Variants in HECW1 observed in about 807,000 individuals in gnomAD.
HECW1 encodes E3 ubiquitin-protein ligase HECW1.
Under a neutral mutation model 182.3 loss-of-function variants are expected in HECW1, and 61 were observed. The ratio of observed to expected loss-of-function variants is 0.33; its 90% confidence interval spans 0.27 to 0.41. The LOEUF (loss-of-function observed/expected upper bound fraction) is 0.41, where lower values mean the gene tolerates loss of function less well. Ranked by LOEUF, HECW1 falls within the 10% of genes least tolerant of loss-of-function variation. The pLI is 1.00. For synonymous variants in HECW1, 859 were observed against 832.6 expected (o/e 1.03, Z -0.55); for missense variants, 1,739 against 2,108.9 (o/e 0.82, Z 3.44).
Position 43,243,900 on chromosome 7 carries a change from G to A in HECW1, c.-6G>A, listed in dbSNP as rs1232840010. The A allele has an allele frequency of 6.2e-7, 1 of 1,613,602 alleles. No individual in the cohort carries two copies. Among genetic ancestry groups the A allele is most frequent in the Admixed American group, 1.7e-5 (1 of 60,010 alleles). The stretch of plus-strand genomic sequence containing the variant: ...GAATTGATGCGCGTACACGTGGTGG[G>A]TCATTATGCTGCTGCACCTGTGTAG... On this transcript the variant is annotated 5_prime_UTR_variant, in exon 3 of 30. Transcript: ENST00000395891. This position sits in a 1 kb window ranked among gnomAD's most constrained non-coding sequence, Gnocchi z 4.0.
chr7:43,554,707 C>T lies in HECW1; in HGVS notation c.4626C>T (p.Tyr1542=), dbSNP rs376684730. The change falls in exon 29 of 30, where the codon TAC becomes TAT. Residue 1542 remains tyrosine (Y), a synonymous_variant. Transcript: ENST00000395891. ...TCACGGGAACATCCAGCGTGCCCTA[C>T]GAAGGCTTCGCAGCCCTCCGTGGGA... The part of the protein sequence containing the change: ...QFVTGTSSVP[Y]EGFAALRGSN... The T allele has an allele frequency of 7.4e-6, 12 of 1,614,048 alleles. No homozygotes were observed. The highest frequency in any genetic ancestry group is 4.0e-5 in the African/African-American group (3 of 74,948).
intron 21 of HECW1, among the ~76,000 whole-genome samples, chr7:43,505,835 C>A (rs2079556460): frequency 6.6e-6 from 1 of 152,184 alleles, no homozygotes; most frequent in Admixed American, 6.5e-5. Context: ...TTCTTTCCTT[C>A]ATGGATAGCA....
intron 5 of HECW1, among the ~76,000 whole-genome samples, chr7:43,353,957 C>T (rs1224282083): frequency 6.6e-6 from 1 of 152,130 alleles, no homozygotes; most frequent in Non-Finnish European, 1.5e-5. Flanking sequence ...TTCCATAGAT[C>T]CCCTTGGCAT....
intron 2 of HECW1, among the ~76,000 whole-genome samples, chr7:43,151,312 C>T (rs963468238): frequency 3.9e-5 from 6 of 152,136 alleles, no homozygotes; most frequent in African/African-American, 1.2e-4. Context: ...CTTTAGTATT[C>T]TGCCTGGGGC....
chr7:43,510,970 C>T (rs2079837913), intron 24 of HECW1: 1 of 152,322 alleles, frequency 6.6e-6, no homozygotes, highest in Admixed American at 6.5e-5. Flanking sequence ...GCTGCCCCGT[C>T]CCTGCAACCA....
At chr7:43,424,565 G>A (rs1472185923) in intron 8 of HECW1, among the ~76,000 whole-genome samples, 1 of 152,138 alleles carries the variant, frequency 6.6e-6, no homozygotes, top group Non-Finnish European at 1.5e-5. Flanking sequence ...CAAGGCTGCA[G>A]TGAGCCATGA....
intron 16 of HECW1, 114 bp from the exon 17 acceptor site, chr7:43,479,496 G>C: frequency 8.0e-7 from 1 of 1,244,242 alleles, no homozygotes; most frequent in Non-Finnish European, 1.1e-6. Flanking sequence ...GGTAGGGGAG[G>C]CTGGGCAGAA....
At chr7:43,406,981 A>G (rs2075632209) in intron 7 of HECW1, among the ~76,000 whole-genome samples, 1 of 152,120 alleles carries the variant, frequency 6.6e-6, no homozygotes, top group African/African-American at 2.4e-5. Context: ...TTATCCAACT[A>G]TAAACTGTTG....
chr7:43,237,838 C>A (rs1034495260), intron 2 of HECW1, among the ~76,000 whole-genome samples: 3 of 151,282 alleles, frequency 2.0e-5, no homozygotes, highest in Non-Finnish European at 4.4e-5. Flanking sequence ...TCTTTCCCCC[C>A]CGCCGCCCCC....
intron 2 of HECW1, among the ~76,000 whole-genome samples, chr7:43,192,883 G>A (rs1203171327): frequency 6.6e-6 from 1 of 152,156 alleles, no homozygotes; most frequent in East Asian, 1.9e-4. Flanking sequence ...CGGCTCACAG[G>A]GTAAAGTGAA....
chr7:43,177,480 A>G (rs1792378193), intron 2 of HECW1, among the ~76,000 whole-genome samples: 1 of 152,102 alleles, frequency 6.6e-6, no homozygotes, highest in Non-Finnish European at 1.5e-5. Context: ...TGTATTCCCC[A>G]CAGTCATCTT....
chr7:43,117,566 T>C (rs973308501), intron 2 of HECW1, among the ~76,000 whole-genome samples: 4 of 152,236 alleles, frequency 2.6e-5, no homozygotes, highest in African/African-American at 7.2e-5. Flanking sequence ...GTCGAATCTT[T>C]TAACGATATT....
At chr7:43,150,790 A>C (rs1296473746) in intron 2 of HECW1, 1 of 153,888 alleles carries the variant, frequency 6.5e-6, no homozygotes, top group Non-Finnish European at 1.5e-5. Context: ...AGGAGTCCCA[A>C]GTTGACACCT....
At chr7:43,284,502 CA>C (rs1165081149) in intron 3 of HECW1, among the ~76,000 whole-genome samples, 11,514 of 53,856 alleles carry the variant, frequency 0.21, 625 homozygotes, top group African/African-American at 0.41. Flanking sequence ...CCCATTTCTA[CA>C]AAAAAAAAAA....
intron 8 of HECW1, among the ~76,000 whole-genome samples, chr7:43,437,680 A>C (rs1257223822): frequency 1.3e-5 from 2 of 152,164 alleles, no homozygotes; most frequent in Non-Finnish European, 2.9e-5. Flanking sequence ...ATTACAGGTG[A>C]GTTTGTGCTT....
chr7:43,389,231 A>C (rs2074922082), intron 6 of HECW1, among the ~76,000 whole-genome samples: 2 of 152,236 alleles, frequency 1.3e-5, no homozygotes, highest in South Asian at 4.1e-4. Context: ...GGTGTTTCTC[A>C]AAGTGTGGTC....
intron 5 of HECW1, among the ~76,000 whole-genome samples, chr7:43,321,194 T>C (rs561555456): frequency 6.6e-6 from 1 of 152,320 alleles, no homozygotes; most frequent in Non-Finnish European, 1.5e-5. Context: ...CACATTTTGC[T>C]CTGACCTTTG....
intron 19 of HECW1, among the ~76,000 whole-genome samples, chr7:43,495,169 A>G (rs1158030011): frequency 6.6e-6 from 1 of 152,074 alleles, no homozygotes; most frequent in Non-Finnish European, 1.5e-5. Context: ...AAAGTGCAGG[A>G]TTGTTACACA....
chr7:43,542,226 A>G (rs995292138), intron 26 of HECW1, among the ~76,000 whole-genome samples: 4 of 152,092 alleles, frequency 2.6e-5, no homozygotes, highest in African/African-American at 9.7e-5. Context: ...GGCAACTACC[A>G]TTCTATTTTC....
Sources: gnomAD v4.1 joint callset for allele counts (sites outside exome capture counted in the v4.1 genomes callset) on GRCh38, gnomAD v4.1.1 for gene constraint, Gnocchi (gnomAD v3.1) non-coding constraint, MANE v1.5 for transcripts, NCBI Gene and HGNC (gene_info 2026-07-23, HGNC 2026-07-21) for gene names.